Variants in TRAPPC9 observed in about 807,000 individuals in gnomAD.
TRAPPC9 encodes trafficking protein particle complex subunit 9.
A neutral mutation model predicts 124.0 loss-of-function variants in TRAPPC9; 83 were observed. The ratio of observed to expected loss-of-function variants is 0.67; its 90% CI spans 0.56 to 0.80. The LOEUF is 0.80. Ranked by LOEUF, TRAPPC9 falls within the 30% of genes least tolerant of loss-of-function variation. The pLI is 0.00. For synonymous variants in TRAPPC9, 638 were observed against 617.5 expected (o/e 1.03, Z -0.49); for missense variants, 1,302 against 1,508.3 (o/e 0.86, Z 2.27).
At chr8:139,915,850 C>A (rs1384934954) in intron 19 of TRAPPC9, among the ~76,000 whole-genome samples, 2 of 152,204 alleles carry the variant, frequency 1.3e-5, no homozygotes, top group Admixed American at 1.3e-4. Context: ...CAAGCCTTAG[C>A]TTCTCTACAC....
At chr8:139,978,218 G>GA (rs890213259) in intron 19 of TRAPPC9, among the ~76,000 whole-genome samples, 1 of 152,124 alleles carries the variant, frequency 6.6e-6, no homozygotes, top group Non-Finnish European at 1.5e-5. Context: ...ACAACCGGCA[G>GA]AACCCCACCC....
chr8:140,214,090 C>T (rs535610342), intron 17 of TRAPPC9, among the ~76,000 whole-genome samples: 5 of 152,346 alleles, frequency 3.3e-5, no homozygotes, highest in East Asian at 1.9e-4. Context: ...TAGTGCCACA[C>T]GGCACACAGT....
chr8:140,000,001 C>T (rs531005830), intron 18 of TRAPPC9, among the ~76,000 whole-genome samples: 15 of 151,972 alleles, frequency 9.9e-5, no homozygotes, highest in African/African-American at 2.9e-4. Flanking sequence ...TCTTAAGAAA[C>T]GAGAAAAACA....
chr8:139,931,625 C>A (rs1021971135), intron 19 of TRAPPC9: 3 of 152,540 alleles, frequency 2.0e-5, no homozygotes, highest in Non-Finnish European at 4.4e-5. Flanking sequence ...CTGCATGCTA[C>A]GGGGCTATCA....
chr8:139,795,183 C>G (rs1009202796), intron 21 of TRAPPC9, among the ~76,000 whole-genome samples: 8 of 151,982 alleles, frequency 5.3e-5, no homozygotes, highest in African/African-American at 1.9e-4. Context: ...GGGGAAGGCC[C>G]GGGGGCCCAG....
chr8:139,910,001 G>A, intron 20 of TRAPPC9, 146 bp downstream of exon 20: 1 of 905,152 alleles, frequency 1.1e-6, no homozygotes, highest in Non-Finnish European at 1.7e-6. Flanking sequence ...GAAATGCCAA[G>A]CCTTTGGTCC....
At chr8:140,327,444 A>T (rs376218433) in intron 9 of TRAPPC9, among the ~76,000 whole-genome samples, 2 of 152,210 alleles carry the variant, frequency 1.3e-5, no homozygotes. Flanking sequence ...AGATACTTAA[A>T]CAGATACTTG....
chr8:139,783,784 CATAAT>C (rs1319788914), intron 21 of TRAPPC9, among the ~76,000 whole-genome samples: 1 of 152,160 alleles, frequency 6.6e-6, no homozygotes, highest in Admixed American at 6.5e-5. Context: ...TATATGAAAA[CATAAT>C]ATCATTACCA....
At chr8:140,359,988 C>T (rs2067893567) in intron 9 of TRAPPC9, 62 bp downstream of exon 9, 3 of 1,610,240 alleles carry the variant, frequency 1.9e-6, no homozygotes, top group Non-Finnish European at 2.5e-6. Flanking sequence ...CATGAACCAG[C>T]ATCTAAAGTG....
intron 21 of TRAPPC9, among the ~76,000 whole-genome samples, chr8:139,872,382 A>C (rs138893915): frequency 1.9e-5 from 1 of 51,900 alleles, no homozygotes; most frequent in Admixed American, 2.6e-4. Flanking sequence ...ATGGTTGGAT[A>C]AGTGGGTGGA....
chr8:140,219,996 C>T (rs1443963104), intron 17 of TRAPPC9, among the ~76,000 whole-genome samples: 2 of 152,174 alleles, frequency 1.3e-5, no homozygotes, highest in Non-Finnish European at 2.9e-5. Context: ...ACACTGGCTG[C>T]CCACAAAGCT....
chr8:140,446,827 C>G (rs2071277577), intron 2 of TRAPPC9, among the ~76,000 whole-genome samples: 1 of 151,922 alleles, frequency 6.6e-6, no homozygotes, highest in Admixed American at 6.6e-5. Flanking sequence ...CCACCGCACC[C>G]AGCCTGGTGT....
chr8:140,374,927 TAAG>T (rs2068391820), intron 7 of TRAPPC9, among the ~76,000 whole-genome samples: 1 of 152,308 alleles, frequency 6.6e-6, no homozygotes, highest in African/African-American at 2.4e-5. Flanking sequence ...TTCAGTGTAA[TAAG>T]AAGTCAAATG....
At chr8:140,274,376 G>A (rs1487504167) in intron 15 of TRAPPC9, among the ~76,000 whole-genome samples, 2 of 152,182 alleles carry the variant, frequency 1.3e-5, no homozygotes, top group Non-Finnish European at 2.9e-5. Context: ...GCTGCCCCAC[G>A]GCTCCAGCCC....
chr8:139,920,975 T>C (rs1054993556), intron 19 of TRAPPC9, among the ~76,000 whole-genome samples: 3 of 152,338 alleles, frequency 2.0e-5, no homozygotes, highest in African/African-American at 7.2e-5. Flanking sequence ...GCCACAGATG[T>C]GGCTGCATCC....
intron 17 of TRAPPC9, among the ~76,000 whole-genome samples, chr8:140,196,113 A>C (rs1374328916): frequency 1.9e-5 from 2 of 107,578 alleles, no homozygotes; most frequent in Non-Finnish European, 3.7e-5. Context: ...CACCATACAG[A>C]TCACACCTGT....
intron 21 of TRAPPC9, among the ~76,000 whole-genome samples, chr8:139,759,085 T>C (rs1051109729): frequency 1.3e-5 from 2 of 152,210 alleles, no homozygotes; most frequent in African/African-American, 4.8e-5. Context: ...GGCCGGGTGC[T>C]GCTTCAGCTC....
chr8:140,208,015 G>C (rs1352457686), intron 17 of TRAPPC9, among the ~76,000 whole-genome samples: 1 of 152,066 alleles, frequency 6.6e-6, no homozygotes, highest in African/African-American at 2.4e-5. Flanking sequence ...GCCGAGTGTG[G>C]TGCACACGCA....
At chr8:139,859,024 T>C (rs1431638880) in intron 21 of TRAPPC9, among the ~76,000 whole-genome samples, 1 of 151,230 alleles carries the variant, frequency 6.6e-6, no homozygotes, top group East Asian at 1.9e-4. Context: ...TTCTCCCTCC[T>C]TTCCCACAGC....
Sources: allele counts gnomAD v4.1 joint callset (sites outside exome capture counted in the v4.1 genomes callset), GRCh38; gene constraint gnomAD v4.1.1; transcripts MANE v1.5; gene names NCBI Gene and HGNC (gene_info 2026-07-23, HGNC 2026-07-21).